CBFB: variants seen among roughly 807,000 people sequenced by gnomAD.
The protein encoded by CBFB is core-binding factor subunit beta.
Under a neutral mutation model 30.4 loss-of-function variants are expected in CBFB, and 9 were observed. The observed-to-expected ratio is 0.30, with a 90% confidence interval of 0.18 to 0.52. The LOEUF (loss-of-function observed/expected upper bound fraction) is 0.52, where lower values mean the gene tolerates loss of function less well. Among genes scored for constraint, CBFB ranks in the 20% least tolerant of loss-of-function variants. CBFB has a pLI of 0.97. For synonymous variants in CBFB, 94 were observed against 84.0 expected (o/e 1.12, Z -0.65); for missense variants, 170 against 244.0 (o/e 0.70, Z 2.02).
intron 5 of CBFB, among the ~76,000 whole-genome samples, chr16:67,091,671 G>T (rs183498340): frequency 2.3e-4 from 35 of 152,244 alleles, no homozygotes; most frequent in African/African-American, 8.4e-4. Flanking sequence ...AACAGCTCTC[G>T]CAGTCTGCTT....
intron 3 of CBFB, among the ~76,000 whole-genome samples, chr16:67,060,463 C>T (rs1033169135): frequency 6.6e-6 from 1 of 152,122 alleles, no homozygotes; most frequent in Non-Finnish European, 1.5e-5. Flanking sequence ...TTTGCCACTC[C>T]CCTGTGCCCC....
Position 67,099,044 on chromosome 16 carries a change from GAGTTGAAACTATCAA to G in CBFB, c.*267_*281del. ...CTTACCTTGTTGGCATTATTTTAGG[GAGTTGAAACTATCAA>G]CTGTAAAGCTCCTTTTCTTCCACTT... On this transcript the variant is annotated 3_prime_UTR_variant, in exon 6 of 6. Coordinates refer to ENST00000412916, the MANE Select transcript of CBFB (RefSeq NM_022845.3). 1 of 363,996 alleles carries G rather than the reference GAGTTGAAACTATCAA, an allele frequency of 2.7e-6. No individual in the cohort carries two copies. Among genetic ancestry groups the G allele is most frequent in the Non-Finnish European group, 4.9e-6 (1 of 204,282 alleles). 22.5% of individuals were successfully genotyped at this position (363,996 alleles called of 1,614,324 possible). A position where few individuals can be genotyped will look rare whatever the true frequency, so the allele number is the denominator to read the frequency against.
intron 5 of CBFB, among the ~76,000 whole-genome samples, chr16:67,096,787 A>G (rs1164002336): frequency 1.3e-5 from 2 of 151,526 alleles, no homozygotes; most frequent in Non-Finnish European, 2.9e-5. Context: ...ATCCTGGCTA[A>G]CACAAAGAAA....
intron 4 of CBFB, among the ~76,000 whole-genome samples, chr16:67,076,615 CAG>C (rs1458407029): frequency 1.3e-5 from 2 of 152,212 alleles, no homozygotes; most frequent in East Asian, 3.9e-4. Context: ...AGGAGGGAAA[CAG>C]GGTAGAGCAG....
intron 3 of CBFB, among the ~76,000 whole-genome samples, chr16:67,052,324 C>A (rs1960578304): frequency 6.6e-6 from 1 of 152,196 alleles, no homozygotes; most frequent in Non-Finnish European, 1.5e-5. Flanking sequence ...AATCCTAGCA[C>A]TTTGGGAGGC....
Position 67,074,144 on chromosome 16 carries a change from G to A in CBFB, c.399+7346G>A, listed in dbSNP as rs955417543. 4.2e-4 allele frequency among the ~76,000 whole-genome samples: 62 copies of A among 148,740 alleles called. 1 individual carries two copies. The highest frequency in any genetic ancestry group is 2.9e-3 in the Admixed American group (42 of 14,482). ...AAAACTAACACATGAATTTCACAGG[G>A]CATTAGATGTAATACAAGGTCAGTA... On this transcript the variant is annotated intron_variant, in intron 4 of 5. Transcript: ENST00000412916.
chr16:67,067,337 A>T (rs746642268), intron 4 of CBFB, among the ~76,000 whole-genome samples: 3 of 151,988 alleles, frequency 2.0e-5, no homozygotes, highest in Non-Finnish European at 4.4e-5. Context: ...GGCCATCATG[A>T]TGAAACCCCA....
In CBFB at chr16:67,043,245, C is replaced by A. The variant is rs75682600; in HGVS notation, c.282+6490C>A. ...TGGAGGCCAGCTACAATAATACTCACTTAAATTTAGCGAACTCAGAAAAAA... is the reference window on the plus strand; with the variant it reads ...TGGAGGCCAGCTACAATAATACTCAATTAAATTTAGCGAACTCAGAAAAAA... On this transcript the variant is annotated intron_variant, in intron 3 of 5. Transcript: ENST00000412916. 7.9e-3 allele frequency among the ~76,000 whole-genome samples: 1,202 copies of A among 152,278 alleles called. 12 individuals are homozygous for A. Among genetic ancestry groups the A allele is most frequent in the African/African-American group, 0.028 (1,160 of 41,554 alleles).
chr16:67,074,485 T>C (rs1237738110), intron 4 of CBFB, among the ~76,000 whole-genome samples: 1 of 151,138 alleles, frequency 6.6e-6, no homozygotes, highest in Non-Finnish European at 1.5e-5. Flanking sequence ...CGGGTTCAAG[T>C]GATTCTCCTG....
At chr16:67,045,867 C>T (rs190875366) in intron 3 of CBFB, among the ~76,000 whole-genome samples, 1,629 of 149,826 alleles carry the variant, frequency 0.011, 35 homozygotes, top group Admixed American at 0.049. Flanking sequence ...GTAATCTTGG[C>T]TCACTGCAAC....
intron 3 of CBFB, among the ~76,000 whole-genome samples, chr16:67,059,205 C>G (rs1960817859): frequency 6.6e-6 from 1 of 152,174 alleles, no homozygotes; most frequent in Admixed American, 6.5e-5. Flanking sequence ...ACCTTCCAGA[C>G]CCTCAAAGAA....
At chr16:67,029,682 G>A in intron 1 of CBFB, 45 bp from the exon 2 acceptor site, 2 of 1,513,634 alleles carry the variant, frequency 1.3e-6, no homozygotes, top group Non-Finnish European at 1.8e-6. Context: ...CGCGCGGGCG[G>A]CGCCGCGGAT....
chr16:67,082,125 T>A (rs2145771014), intron 4 of CBFB, 88 bp from the exon 5 acceptor site: 1 of 1,052,970 alleles, frequency 9.5e-7, no homozygotes, highest in Non-Finnish European at 1.3e-6. Context: ...GGCCACTGTT[T>A]CAGGAAAAAA....
intron 2 of CBFB, among the ~76,000 whole-genome samples, chr16:67,036,104 G>A (rs1966436504): frequency 6.6e-6 from 1 of 152,190 alleles, no homozygotes; most frequent in Admixed American, 6.5e-5. Context: ...TAGGGTTTTA[G>A]AGAGTACTGT....
chr16:67,099,135 A>G lies in CBFB; in HGVS notation c.*357A>G, dbSNP rs1292521596. 2 of 261,640 alleles carry G rather than the reference A, an allele frequency of 7.6e-6. No individual in the cohort carries two copies. Among genetic ancestry groups the G allele is most frequent in the Non-Finnish European group, 7.2e-6 (1 of 138,210 alleles). 16.2% of individuals were successfully genotyped at this position (261,640 alleles called of 1,614,324 possible). A position where few individuals can be genotyped will look rare whatever the true frequency, so the allele number is the denominator to read the frequency against. On this transcript the variant is annotated 3_prime_UTR_variant, in exon 6 of 6. Transcript: ENST00000412916. ...AAACAAGTCAAGAAATTAAAATTGT[A>G]TCAGAGGGTTTTCTCTAATCATTTT... is the stretch of plus-strand genomic sequence containing the variant.
At chr16:67,033,855 A>G (rs1241637329) in intron 2 of CBFB, among the ~76,000 whole-genome samples, 2 of 101,174 alleles carry the variant, frequency 2.0e-5, no homozygotes, top group Non-Finnish European at 3.7e-5. Context: ...GGCGTCTTGC[A>G]CTGTCGGCTA....
intron 5 of CBFB, among the ~76,000 whole-genome samples, chr16:67,085,215 G>A (rs1360053805): frequency 6.6e-6 from 1 of 151,892 alleles, no homozygotes; most frequent in Non-Finnish European, 1.5e-5. Flanking sequence ...TGTCGCCCAG[G>A]CTGGAGTGCA....
At chr16:67,040,196 C>T (rs1966506304) in intron 3 of CBFB, among the ~76,000 whole-genome samples, 1 of 152,164 alleles carries the variant, frequency 6.6e-6, no homozygotes, top group Non-Finnish European at 1.5e-5. Context: ...TTTCTGTCCC[C>T]ACAGGACTAG....
intron 5 of CBFB, among the ~76,000 whole-genome samples, chr16:67,097,396 T>G (rs1962081326): frequency 1.3e-5 from 2 of 150,740 alleles, no homozygotes; most frequent in African/African-American, 4.9e-5. Flanking sequence ...AACTACAAAA[T>G]TAGCCGGGCG....
Sources: allele counts gnomAD v4.1 joint callset (sites outside exome capture counted in the v4.1 genomes callset), GRCh38; gene constraint gnomAD v4.1.1; transcripts MANE v1.5; gene names NCBI Gene and HGNC (gene_info 2026-07-23, HGNC 2026-07-21).